The following RTEL1 variants were observed in gnomAD, a reference collection of about 807,000 sequenced individuals.
The protein encoded by RTEL1 is regulator of telomere elongation helicase 1, also known as regulator of telomere length.
RTEL1 carries 86 observed loss-of-function variants against 162.2 expected under a neutral mutation model. That is an observed-to-expected ratio of 0.53 (90% CI 0.45 to 0.63). The LOEUF (loss-of-function observed/expected upper bound fraction) is 0.63, where lower values mean the gene tolerates loss of function less well. RTEL1 is among the 30% of genes least tolerant of loss of function. The pLI is 0.00. For missense variants in RTEL1, 1,941 were observed against 1,750.2 expected (o/e 1.11, Z -1.95); for synonymous variants, 958 against 717.9 (o/e 1.33, Z -5.35).
At chr20:63,684,220 G>A (rs958811282) in intron 14 of RTEL1, among the ~76,000 whole-genome samples, 1 of 152,104 alleles carries the variant, frequency 6.6e-6, no homozygotes, top group Non-Finnish European at 1.5e-5. Flanking sequence ...TTCCCAGCAC[G>A]CCACACCGGT....
chr20:63,663,553 C>T (rs879701714), intron 6 of RTEL1, among the ~76,000 whole-genome samples: 37 of 152,144 alleles, frequency 2.4e-4, no homozygotes, highest in East Asian at 5.8e-4. Context: ...GGCTGCCCCT[C>T]GGGTATGTCA....
rs372913355 is a variant in RTEL1 at position 63,693,109 on chromosome 20, G to A, written c.2852-34G>A. The A allele has an allele frequency of 9.1e-5, 147 of 1,612,048 alleles. 3 individuals are homozygous for A. Among genetic ancestry groups the A allele is most frequent in the South Asian group, 8.9e-4 (81 of 91,080 alleles). ...TGGTCTCTGTTCTCTAGAGAAAAAGGGGCAGATGGGGACAGACGCCCCTTC... is the reference window on the plus strand; with the variant it reads ...TGGTCTCTGTTCTCTAGAGAAAAAGAGGCAGATGGGGACAGACGCCCCTTC... On this transcript the variant is annotated intron_variant, in intron 29 of 34. Coordinates refer to ENST00000360203, the MANE Select transcript of RTEL1 (RefSeq NM_001283009.2).
chr20:63,694,581 C>A, intron 31 of RTEL1, 93 bp downstream of exon 31: 2 of 1,261,448 alleles, frequency 1.6e-6, no homozygotes, highest in Non-Finnish European at 2.2e-6. Flanking sequence ...GGGGCTGCCC[C>A]TGTGGGGAGC....
chr20:63,689,121 T>G lies in RTEL1; in HGVS notation c.1867T>G (p.Cys623Gly). The G allele has an allele frequency of 6.2e-7, 1 of 1,609,540 alleles. No individual in the cohort carries two copies. Among genetic ancestry groups the G allele is most frequent in the Admixed American group, 1.7e-5 (1 of 60,016 alleles). ...CACCGGCGCCACCTTCCTGGCGGTC[T>G]GCCGGGGCAAGGTGAGCTCTCCAGG... ...GSTGATFLAV[C>G]RGKASEGLDF... Residue 623 changes from cysteine (C) to glycine (G), a missense_variant, in exon 22 of 35, where the codon TGC becomes GGC. By Grantham distance (159) the Cys-to-Gly change is radical. Transcript: ENST00000360203.
chr20:63,670,799 A>G (rs1018527413), intron 8 of RTEL1, among the ~76,000 whole-genome samples: 20 of 149,220 alleles, frequency 1.3e-4, no homozygotes, highest in Admixed American at 4.8e-4. Flanking sequence ...CCTAGGCAAC[A>G]TAGGGAGACC....
At chr20:63,679,344 C>A (rs1016360913) in intron 12 of RTEL1, among the ~76,000 whole-genome samples, 2 of 152,156 alleles carry the variant, frequency 1.3e-5, no homozygotes, top group African/African-American at 2.4e-5. Context: ...CCTCGGCCAC[C>A]CTGCACCCTC....
At chr20:63,663,011 C>T in intron 6 of RTEL1, 122 bp downstream of exon 6, 1 of 923,302 alleles carries the variant, frequency 1.1e-6, no homozygotes, top group Non-Finnish European at 1.8e-6. Context: ...GGCCATGTAC[C>T]TGGGCCCTGT....
At chr20:63,664,383 G>T (rs1302696339) in intron 6 of RTEL1, among the ~76,000 whole-genome samples, 2 of 152,222 alleles carry the variant, frequency 1.3e-5, no homozygotes, top group Non-Finnish European at 2.9e-5. Flanking sequence ...CTGGACAAGG[G>T]CAGTGCCCCG....
rs569449379 is a variant in RTEL1 at position 63,680,059 on chromosome 20, C to G, written c.1135+113C>G. The G allele has an allele frequency of 6.6e-4, 456 of 695,946 alleles. 2 individuals carry two copies. In the African/African-American group the frequency reaches 6.7e-3, roughly 10 times the overall value. The allele number at this position is 695,946 out of a possible 1,614,324, so 43.1% of individuals were successfully genotyped here. A position where few individuals can be genotyped will look rare whatever the true frequency, so the allele number is the denominator to read the frequency against. On this transcript the variant is annotated intron_variant, in intron 13 of 34. Transcript: ENST00000360203. Reference sequence around the variant, plus strand: ...GCCGTCACCTGGCCGTCAGCAGGAACAGGCCCACAGAACCTCATCTTCTGA... The same window carrying G: ...GCCGTCACCTGGCCGTCAGCAGGAAGAGGCCCACAGAACCTCATCTTCTGA...
chr20:63,690,523 C>T (rs1568713007), intron 26 of RTEL1, 82 bp downstream of exon 26: 18 of 1,420,738 alleles, frequency 1.3e-5, no homozygotes, highest in South Asian at 7.2e-5. Context: ...GCGCCCAGGG[C>T]GGAGGCGACT....
chr20:63,678,865 T>A (rs1412666594), intron 12 of RTEL1, among the ~76,000 whole-genome samples: 3 of 85,668 alleles, frequency 3.5e-5, no homozygotes, highest in African/African-American at 1.3e-4. Context: ...AACAGCAGAC[T>A]CTCCCACGGA....
intron 30 of RTEL1, 60 bp from the exon 31 acceptor site, chr20:63,694,310 CCA>C: frequency 9.5e-7 from 1 of 1,053,852 alleles, no homozygotes; most frequent in Non-Finnish European, 1.5e-6. Flanking sequence ...CCCTGCCCCC[CCA>C]CCCCAGGGAA....
chr20:63,695,120 C>G lies in RTEL1; in HGVS notation c.3398C>G (p.Thr1133Arg), dbSNP rs1568725357. Residue 1133 changes from threonine to arginine, a missense_variant, in exon 33 of 35, where the codon ACA (threonine) becomes AGA (arginine). Thr to Arg is a moderately conservative substitution (Grantham distance 71, BLOSUM62 -1). Coordinates refer to ENST00000360203, the MANE Select transcript of RTEL1 (RefSeq NM_001283009.2). The part of the protein sequence containing the change: ...HHKQRFSQTC[T>R]DLTGRPYPGM... ...AAGCAGCGCTTCTCACAGACGTGCA[C>G]AGACCTGACCGGCCGGCCCTACCCG... The G allele has an allele frequency of 3.1e-6, 5 of 1,612,410 alleles. No individual in the cohort carries two copies. The highest frequency in any genetic ancestry group is 1.1e-5 in the South Asian group (1 of 91,090).
At chr20:63,682,238 G>A (rs150034022) in intron 14 of RTEL1, 2 of 985,314 alleles carry the variant, frequency 2.0e-6, no homozygotes, top group African/African-American at 3.5e-5. Context: ...TTCCAGCTAT[G>A]GAGAAGACTC....
chr20:63,690,366 C>T lies in RTEL1; in HGVS notation c.2338C>T (p.Pro780Ser). 1.2e-6 allele frequency: 2 copies of T among 1,611,858 alleles called. No homozygotes were observed. The highest frequency in any genetic ancestry group is 1.7e-6 in the Non-Finnish European group (2 of 1,179,476). The change falls in exon 26 of 35, where the codon CCT becomes TCT. Residue 780 changes from proline (P) to serine (S), a missense_variant. By Grantham distance (74) the Pro-to-Ser change is moderately conservative (BLOSUM62 -1). Coordinates refer to ENST00000360203, the MANE Select transcript of RTEL1 (RefSeq NM_001283009.2). Reference protein sequence around the residue: ...GEDAVSEAKSPGPFFSTRKAK... With the variant: ...GEDAVSEAKSSGPFFSTRKAK... ...AGATGCTGTCAGCGAGGCCAAGTCG[C>T]CTGGCCCCTTCTTCTCCACCAGGAA...
chr20:63,668,771 C>G lies in RTEL1; in HGVS notation c.699+1218C>G, dbSNP rs1197395671. On this transcript the variant is annotated intron_variant, in intron 8 of 34. Transcript: ENST00000360203. The surrounding 1 kb of genome is among the most constrained non-coding windows in gnomAD (Gnocchi z 4.3). ...AGGCCCCTCCCTGGGACAGTTATAT[C>G]ACAGCTGGTAAGCCGAGTCTAACAC... 2.0e-5 allele frequency among the ~76,000 whole-genome samples: 3 copies of G among 152,172 alleles called. No individual in the cohort carries two copies. Among genetic ancestry groups the G allele is most frequent in the Non-Finnish European group, 4.4e-5 (3 of 68,032 alleles).
At chr20:63,682,097 C>G in intron 14 of RTEL1, 7 of 985,422 alleles carry the variant, frequency 7.1e-6, no homozygotes, top group Non-Finnish European at 8.4e-6. Context: ...CGGGCCTGTC[C>G]CTCCCTGGAA....
At chr20:63,670,661 C>T (rs950488145) in intron 8 of RTEL1, among the ~76,000 whole-genome samples, 5 of 152,058 alleles carry the variant, frequency 3.3e-5, no homozygotes, top group Non-Finnish European at 7.4e-5. Context: ...GGCAAACAGC[C>T]GAGCCGGGAG....
intron 1 of RTEL1, 68 bp downstream of exon 1, chr20:63,658,534 G>T (rs2089954662): frequency 6.6e-6 from 1 of 152,280 alleles, no homozygotes; most frequent in South Asian, 2.1e-4. Flanking sequence ...GCGGTTTTTC[G>T]AAACTACAGC....
Sources: gnomAD v4.1 joint callset for allele counts (sites outside exome capture counted in the v4.1 genomes callset) on GRCh38, gnomAD v4.1.1 for gene constraint, Gnocchi (gnomAD v3.1) non-coding constraint, MANE v1.5 for transcripts, NCBI Gene and HGNC (gene_info 2026-07-23, HGNC 2026-07-21) for gene names.